ROBO2: variants seen among roughly 807,000 people sequenced by gnomAD.
ROBO2 encodes the protein roundabout guidance receptor 2, also known as roundabout homolog 2.
Under a neutral mutation model 160.8 loss-of-function variants are expected in ROBO2, and 53 were observed. The ratio of observed to expected loss-of-function variants is 0.33; its 90% confidence interval spans 0.26 to 0.41. The LOEUF (loss-of-function observed/expected upper bound fraction) is 0.41. Ranked by LOEUF, ROBO2 falls within the 10% of genes least tolerant of loss-of-function variation. The pLI, the probability that ROBO2 is intolerant of heterozygous loss-of-function variation, is 1.00. For synonymous variants in ROBO2, 664 were observed against 611.7 expected, an observed-to-expected ratio of 1.09 and a Z score of -1.26; for missense variants, 1,577 against 1,722.4, an observed-to-expected ratio of 0.92 and a Z score of 1.49.
At position 77,626,380 on chromosome 3, in the gene ROBO2, CTCATTTTA is replaced by C. The variant is rs552413753; in HGVS notation, c.3760+3949_3760+3956del. 1.7e-3 allele frequency among the ~76,000 whole-genome samples: 252 copies of C among 152,116 alleles called. 2 individuals carry two copies. The highest frequency in any genetic ancestry group is 5.5e-3 in the African/African-American group (227 of 41,488). ...TGTATCAGCACTTTTTGCAATGAAC[CTCATTTTA>C]ATAATTTTCATTGTAATCTATGCTC... is the stretch of plus-strand genomic sequence containing the variant. On this transcript the variant is annotated intron_variant, in intron 23 of 25. Coordinates refer to ENST00000461745, the Ensembl canonical transcript of ROBO2.
intron 2 of ROBO2, among the ~76,000 whole-genome samples, chr3:76,636,842 T>C (rs1203499859): frequency 7.7e-6 from 1 of 130,716 alleles, no homozygotes; most frequent in Non-Finnish European, 1.8e-5. Flanking sequence ...CTAGGCAGGG[T>C]GACAATAGGT....
chr3:76,742,909 A>C (rs1326026336), intron 2 of ROBO2, among the ~76,000 whole-genome samples: 3 of 151,610 alleles, frequency 2.0e-5, no homozygotes, highest in Non-Finnish European at 4.4e-5. Context: ...GGGGATAGAT[A>C]CTAATTAAAT....
intron 2 of ROBO2, among the ~76,000 whole-genome samples, chr3:76,970,168 G>A (rs946162278): frequency 3.9e-5 from 6 of 152,102 alleles, no homozygotes; most frequent in African/African-American, 1.4e-4. Flanking sequence ...ACAGTTACTT[G>A]AAACTTGTGT....
chr3:76,971,204 T>A (rs138373822), intron 2 of ROBO2, among the ~76,000 whole-genome samples: 3 of 152,272 alleles, frequency 2.0e-5, no homozygotes, highest in East Asian at 3.9e-4. Context: ...ATTCCGAACA[T>A]AATCTACTGT....
chr3:76,459,818 G>T (rs189050194), intron 2 of ROBO2, among the ~76,000 whole-genome samples: 50 of 151,870 alleles, frequency 3.3e-4, no homozygotes, highest in Middle Eastern at 3.2e-3. Flanking sequence ...TATTTTGAAG[G>T]CCTTTTTATC....
chr3:76,052,096 T>C (rs1025688345), intron 2 of ROBO2, among the ~76,000 whole-genome samples: 4 of 152,116 alleles, frequency 2.6e-5, no homozygotes, highest in African/African-American at 4.8e-5. Flanking sequence ...AAGTTCTCAA[T>C]CTATTTTAAA....
intron 2 of ROBO2, among the ~76,000 whole-genome samples, chr3:76,323,403 T>C (rs942624925): frequency 3.9e-5 from 6 of 152,212 alleles, no homozygotes; most frequent in Non-Finnish European, 8.8e-5. Flanking sequence ...ATGCATACTA[T>C]TATTTTTTTA....
chr3:77,192,371 A>G (rs948302266), intron 2 of ROBO2, among the ~76,000 whole-genome samples: 10 of 152,118 alleles, frequency 6.6e-5, no homozygotes, highest in African/African-American at 2.4e-4. Context: ...AAATTTCTCT[A>G]CTTTGCCATG....
At chr3:76,243,920 GT>G (rs1171562891) in intron 2 of ROBO2, among the ~76,000 whole-genome samples, 2 of 151,860 alleles carry the variant, frequency 1.3e-5, no homozygotes, top group African/African-American at 4.8e-5. Context: ...AACAATGTAA[GT>G]TTTTTTCTTT....
intron 1 of ROBO2, among the ~76,000 whole-genome samples, chr3:77,075,840 G>C (rs751554955): frequency 2.0e-5 from 3 of 151,494 alleles, no homozygotes; most frequent in Non-Finnish European, 2.9e-5. Flanking sequence ...ACCATGCCCG[G>C]CTAATTTTTG....
At chr3:76,999,429 A>G (rs1166842724) in intron 2 of ROBO2, among the ~76,000 whole-genome samples, 1 of 152,108 alleles carries the variant, frequency 6.6e-6, no homozygotes, top group Non-Finnish European at 1.5e-5. Flanking sequence ...AAAATATCCA[A>G]CATGCCTGCT....
chr3:77,308,777 A>C (rs1411057965), intron 2 of ROBO2, among the ~76,000 whole-genome samples: 1 of 152,162 alleles, frequency 6.6e-6, no homozygotes, highest in Admixed American at 6.5e-5. Flanking sequence ...TTTCTCTCAG[A>C]TTCTAACTAA....
At chr3:77,296,401 A>G (rs754993681) in intron 2 of ROBO2, among the ~76,000 whole-genome samples, 1 of 152,162 alleles carries the variant, frequency 6.6e-6, no homozygotes, top group Non-Finnish European at 1.5e-5. Flanking sequence ...CACCAAAGAC[A>G]TAAAGTAAAA....
intron 2 of ROBO2, among the ~76,000 whole-genome samples, chr3:77,411,041 C>A (rs2076759956): frequency 6.6e-6 from 1 of 152,142 alleles, no homozygotes; most frequent in East Asian, 1.9e-4. Flanking sequence ...TGGGCTCAGA[C>A]CATCCTCCTC....
At chr3:76,026,723 A>G (rs1262923190) in intron 2 of ROBO2, among the ~76,000 whole-genome samples, 1 of 151,968 alleles carries the variant, frequency 6.6e-6, no homozygotes, top group Non-Finnish European at 1.5e-5. Flanking sequence ...GGTTTAACTT[A>G]TTTTATTTCA....
chr3:76,465,095 C>T (rs1442158180), intron 2 of ROBO2, among the ~76,000 whole-genome samples: 3 of 152,028 alleles, frequency 2.0e-5, no homozygotes, highest in Non-Finnish European at 4.4e-5. Context: ...CAGAATAACT[C>T]AAGAAATATT....
upstream of ROBO2, among the ~76,000 whole-genome samples, chr3:77,038,650 A>G (rs982722440): frequency 6.6e-6 from 1 of 151,932 alleles, no homozygotes; most frequent in East Asian, 2.0e-4. Context: ...CCGCCTTCTC[A>G]TCATCTGAAC....
intron 2 of ROBO2, among the ~76,000 whole-genome samples, chr3:76,279,888 T>C (rs530814112): frequency 2.6e-5 from 4 of 152,168 alleles, no homozygotes; most frequent in Non-Finnish European, 5.9e-5. Context: ...GGGATTGATT[T>C]GGTAAGATTT....
At chr3:75,930,098 G>A (rs1032898866) in intron 1 of ROBO2, among the ~76,000 whole-genome samples, 13 of 152,126 alleles carry the variant, frequency 8.5e-5, no homozygotes, top group African/African-American at 2.4e-4. Flanking sequence ...GGACCATTAC[G>A]AACCTCTGTT....
Sources: allele counts gnomAD v4.1 joint callset (sites outside exome capture counted in the v4.1 genomes callset), GRCh38; gene constraint gnomAD v4.1.1; transcripts MANE v1.5; gene names NCBI Gene and HGNC (gene_info 2026-07-23, HGNC 2026-07-21).